MGAT2: variants seen among roughly 807,000 people sequenced by gnomAD.
MGAT2 encodes alpha-1,6-mannosyl-glycoprotein 2-beta-N-acetylglucosaminyltransferase.
Under a neutral mutation model 33.8 loss-of-function variants are expected in MGAT2, and 17 were observed. The observed-to-expected ratio is 0.50, with a 90% confidence interval of 0.34 to 0.76. MGAT2 has a LOEUF of 0.76. Among genes scored for constraint, MGAT2 ranks in the 30% least tolerant of loss-of-function variants. MGAT2 has a pLI of 0.01. For missense variants in MGAT2, 529 were observed against 553.9 expected (o/e 0.96, Z 0.45); for synonymous variants, 248 against 226.7 (o/e 1.09, Z -0.84).
In MGAT2 at chr14:49,622,292, G is replaced by A; in HGVS notation, c.1024G>A (p.Asp342Asn). 6.2e-7 allele frequency: 1 copy of A among 1,614,154 alleles called. No homozygotes were observed. Among genetic ancestry groups the A allele is most frequent in the Non-Finnish European group, 8.5e-7 (1 of 1,180,020 alleles). Residue 342 changes from aspartate (D) to asparagine (N), a missense_variant, in exon 1 of 1, where the codon GAT (aspartate) becomes AAT (asparagine). Physicochemically the swap from Asp to Asn is conservative, Grantham distance 23. Transcript: ENST00000305386. The part of the protein sequence containing the change: ...IECTDTFCTY[D>N]DYNWDWTLQY... ...GTGCACAGACACTTTCTGTACTTAT[G>A]ATGATTATAACTGGGACTGGACTCT...
Position 49,621,020 on chromosome 14 carries a change from T to G in MGAT2, c.-249T>G. 1 of 706,962 alleles carries G rather than the reference T, an allele frequency of 1.4e-6. No individual in the cohort carries two copies. The allele number at this position is 706,962 out of a possible 1,614,324, so 43.8% of individuals were successfully genotyped here. A position where few individuals can be genotyped will look rare whatever the true frequency, so the allele number is the denominator to read the frequency against. On this transcript the variant is annotated 5_prime_UTR_variant, in exon 1 of 1. The change abolishes the stop of an existing upstream ORF in the 5' untranslated region. Transcript: ENST00000305386. This position sits in a 1 kb window ranked among gnomAD's most constrained non-coding sequence, Gnocchi z 4.6. ...GGAGACGAAGCCGAGCCGCGGCTCC[T>G]AGCGGCGGCGCCGATGCTCGAGCTG...
Position 49,621,257 on chromosome 14 carries a change from G to A in MGAT2, c.-12G>A. 2 of 1,612,038 alleles carry A rather than the reference G, an allele frequency of 1.2e-6. No individual in the cohort carries two copies. Among genetic ancestry groups the A allele is most frequent in the South Asian group, 2.2e-5 (2 of 91,066 alleles). ...CCGCGCCCGCCCGCCTGCGCTCCCG[G>A]CCCTGGAGACCATGAGGTTCCGCAT... On this transcript the variant is annotated 5_prime_UTR_variant, in exon 1 of 1. Transcript: ENST00000305386. The surrounding 1 kb of genome is among the most constrained non-coding windows in gnomAD (Gnocchi z 4.6).
rs1026143266 is a variant in MGAT2, at chr14:49,622,808, G to A, written c.*196G>A. ...TAAAACTGAAGGTTTCATTTTGGGA[G>A]TAGGGTTTTAAAGCTCAATCTGTTA... On this transcript the variant is annotated 3_prime_UTR_variant, in exon 1 of 1. Coordinates refer to ENST00000305386, the MANE Select transcript of MGAT2 (RefSeq NM_002408.4). 4.1e-6 allele frequency: 2 copies of A among 489,382 alleles called. No individual in the cohort carries two copies. Among genetic ancestry groups the A allele is most frequent in the South Asian group, 5.7e-5 (1 of 17,424 alleles). 30.3% of individuals were successfully genotyped at this position (489,382 alleles called of 1,614,324 possible).
rs775418672 is a variant in MGAT2 at position 49,622,173 on chromosome 14, G to C, written c.905G>C (p.Gly302Ala). 1.2e-6 allele frequency: 2 copies of C among 1,614,158 alleles called. No individual in the cohort carries two copies. Among genetic ancestry groups the C allele is most frequent in the Non-Finnish European group, 8.5e-7 (1 of 1,180,022 alleles). ...TATAGTGCCAGTCGCAGTTTCTATG[G>C]CATGGCTGACAAGGTAGATGTGAAA... ...GTYSASRSFY[G>A]MADKVDVKTW... The change falls in exon 1 of 1, where the codon GGC (glycine) becomes GCC (alanine). Residue 302 changes from glycine to alanine, a missense_variant. Gly to Ala is a moderately conservative substitution (Grantham distance 60). Around this residue, in one of 2 missense-constraint regions of MGAT2, gnomAD observed 501 missense variants for 501.1 expected, o/e 1.00. Coordinates refer to ENST00000305386, the MANE Select transcript of MGAT2 (RefSeq NM_002408.4).
In MGAT2 at chr14:49,622,606, G is replaced by T. The variant is rs199634745; in HGVS notation, c.1338G>T (p.Leu446=). The change falls in exon 1 of 1, where the codon CTG becomes CTT. Residue 446 remains leucine, a synonymous_variant. Coordinates refer to ENST00000305386, the MANE Select transcript of MGAT2 (RefSeq NM_002408.4). The part of the protein sequence containing the change: ...DHELCKSYRR[L]Q ...AACTCTGTAAAAGTTATAGAAGACT[G>T]CAGTGAAAATCACAGTTACAAAAGC... 3 of 1,596,014 alleles carry T rather than the reference G, an allele frequency of 1.9e-6. No individual in the cohort carries two copies. The African/African-American group carries it at 4.1e-5, about 22-fold the overall frequency.
At position 49,621,583 on chromosome 14, in the gene MGAT2, G is replaced by T. The variant is rs147502375; in HGVS notation, c.315G>T (p.Arg105Ser). The change falls in exon 1 of 1, where the codon AGG (arginine) becomes AGT (serine). Residue 105 changes from arginine (R) to serine (S), a missense_variant. Around this residue, in one of 2 missense-constraint regions of MGAT2, gnomAD observed 501 missense variants for 501.1 expected, o/e 1.00. Transcript: ENST00000305386. The surrounding 1 kb of genome is among the most constrained non-coding windows in gnomAD (Gnocchi z 4.6). ...AGCTGAACTTTGATCAGACCCTGAG[G>T]AATGTAGATAAGGCTGGCACCTGGG... is the stretch of plus-strand genomic sequence containing the variant. ...VYQLNFDQTL[R>S]NVDKAGTWAP... The T allele has an allele frequency of 1.4e-5, 22 of 1,614,048 alleles. No individual in the cohort carries two copies. Among genetic ancestry groups the T allele is most frequent in the Non-Finnish European group, 1.8e-5 (21 of 1,179,986 alleles).
rs1882831185 is a variant in MGAT2 at position 49,621,098 on chromosome 14, G to T, written c.-171G>T. ...GCAGGCGGCGCGGGGTAAATGAGAGGTCTCGGGCCCCAGGACCCCCGGGGC... is the reference window on the plus strand; with the variant it reads ...GCAGGCGGCGCGGGGTAAATGAGAGTTCTCGGGCCCCAGGACCCCCGGGGC... On this transcript the variant is annotated 5_prime_UTR_variant, in exon 1 of 1. Transcript: ENST00000305386. This position sits in a 1 kb window ranked among gnomAD's most constrained non-coding sequence, Gnocchi z 4.6. 9.6e-6 allele frequency: 9 copies of T among 936,060 alleles called. No individual in the cohort carries two copies. Among genetic ancestry groups the T allele is most frequent in the South Asian group, 8.3e-5 (6 of 72,022 alleles). The allele number at this position is 936,060 out of a possible 1,614,324, so 58.0% of individuals were successfully genotyped here.
chr14:49,621,665 C>A lies in MGAT2; in HGVS notation c.397C>A (p.Leu133Met). The A allele has an allele frequency of 6.2e-7, 1 of 1,614,200 alleles. No individual in the cohort carries two copies. The highest frequency in any genetic ancestry group is 8.5e-7 in the Non-Finnish European group (1 of 1,180,018). The change falls in exon 1 of 1, where the codon CTG becomes ATG. Residue 133 changes from leucine to methionine, a missense_variant. Around this residue, in one of 2 missense-constraint regions of MGAT2, gnomAD observed 501 missense variants for 501.1 expected, o/e 1.00. Transcript: ENST00000305386. The surrounding 1 kb of genome is among the most constrained non-coding windows in gnomAD (Gnocchi z 4.6). The stretch of plus-strand genomic sequence containing the variant: ...GCATAACCGGCCCGAATACCTCAGA[C>A]TGCTGCTGGACTCACTTCGAAAAGC... ...QVHNRPEYLR[L>M]LLDSLRKAQG...
rs772890040 is a variant in MGAT2 at position 49,621,846 on chromosome 14, C to T, written c.578C>T (p.Pro193Leu). The T allele has an allele frequency of 1.2e-6, 2 of 1,614,142 alleles. No homozygotes were observed. ...CCTAACGAGTTTCCAGGTAGTGACCCTAGAGATTGTCCCAGAGACCTGCCG... is the reference window on the plus strand; with the variant it reads ...CCTAACGAGTTTCCAGGTAGTGACCTTAGAGATTGTCCCAGAGACCTGCCG... ...LYPNEFPGSD[P>L]RDCPRDLPKN... The change falls in exon 1 of 1, where the codon CCT (proline) becomes CTT (leucine). Residue 193 changes from proline to leucine, a missense_variant. Pro to Leu is a moderately conservative substitution (Grantham distance 98). Coordinates refer to ENST00000305386, the MANE Select transcript of MGAT2 (RefSeq NM_002408.4). This position sits in a 1 kb window ranked among gnomAD's most constrained non-coding sequence, Gnocchi z 4.6.
chr14:49,620,995 G>C lies in MGAT2; in HGVS notation c.-274G>C, dbSNP rs1437733087. 4.3e-6 allele frequency: 3 copies of C among 703,106 alleles called. No individual in the cohort carries two copies. The highest frequency in any genetic ancestry group is 2.0e-5 in the Admixed American group (1 of 50,008). The allele number at this position is 703,106 out of a possible 1,614,324, so 43.6% of individuals were successfully genotyped here. A position where few individuals can be genotyped will look rare whatever the true frequency, so the allele number is the denominator to read the frequency against. ...ACCCGTGGTGCTGAATGGAGAGGAC[G>C]GAGACGAAGCCGAGCCGCGGCTCCT... On this transcript the variant is annotated 5_prime_UTR_variant, in exon 1 of 1. Coordinates refer to ENST00000305386, the MANE Select transcript of MGAT2 (RefSeq NM_002408.4).
At position 49,622,049 on chromosome 14, in the gene MGAT2, G is replaced by T; in HGVS notation, c.781G>T (p.Asp261Tyr). The T allele has an allele frequency of 6.2e-7, 1 of 1,614,204 alleles. No homozygotes were observed. Among genetic ancestry groups the T allele is most frequent in the Non-Finnish European group, 8.5e-7 (1 of 1,180,040 alleles). Residue 261 changes from aspartate to tyrosine, a missense_variant, in exon 1 of 1, where the codon GAT (aspartate) becomes TAT (tyrosine). Around this residue, in one of 2 missense-constraint regions of MGAT2, gnomAD observed 501 missense variants for 501.1 expected, o/e 1.00. Transcript: ENST00000305386. ...TGGCCTTATACTTTTCCTAGAAGAG[G>T]ATCACTACTTAGCCCCAGACTTTTA... The part of the protein sequence containing the change: ...YAGLILFLEE[D>Y]HYLAPDFYHV...
Position 49,622,517 on chromosome 14 carries a change from T to A in MGAT2, c.1249T>A (p.Phe417Ile). 1 of 1,600,150 alleles carries A rather than the reference T, an allele frequency of 6.2e-7. No individual in the cohort carries two copies. The highest frequency in any genetic ancestry group is 8.5e-7 in the Non-Finnish European group (1 of 1,173,796). The part of the protein sequence containing the change: ...FPETLTISEK[F>I]TVVAISPPRK... ...AGAAACTCTAACTATCAGTGAAAAG[T>A]TTACTGTGGTAGCCATTTCCCCACC... Residue 417 changes from phenylalanine (F) to isoleucine (I), a missense_variant, in exon 1 of 1, where the codon TTT becomes ATT. Around this residue, in one of 2 missense-constraint regions of MGAT2, gnomAD observed 28 missense variants for 52.8 expected, o/e 0.53. Transcript: ENST00000305386.
At position 49,621,296 on chromosome 14, in the gene MGAT2, G is replaced by T; in HGVS notation, c.28G>T (p.Val10Leu). The change falls in exon 1 of 1, where the codon GTG (valine) becomes TTG (leucine). Residue 10 changes from valine to leucine, a missense_variant. Coordinates refer to ENST00000305386, the MANE Select transcript of MGAT2 (RefSeq NM_002408.4). This position sits in a 1 kb window ranked among gnomAD's most constrained non-coding sequence, Gnocchi z 4.6. ...GAGGTTCCGCATCTACAAACGGAAG[G>T]TGCTAATCCTGACGCTCGTGGTGGC... MRFRIYKRK[V>L]LILTLVVAAC... 5.6e-6 allele frequency: 9 copies of T among 1,612,604 alleles called. No individual in the cohort carries two copies. The highest frequency in any genetic ancestry group is 7.6e-6 in the Non-Finnish European group (9 of 1,179,796).
rs780357143 is a variant in MGAT2, at chr14:49,621,919, C to T, written c.651C>T (p.Asp217=). 5.0e-6 allele frequency: 8 copies of T among 1,614,218 alleles called. No homozygotes were observed. Among genetic ancestry groups the T allele is most frequent in the Non-Finnish European group, 5.1e-6 (6 of 1,180,042 alleles). The change falls in exon 1 of 1, where the codon GAC becomes GAT. Residue 217 remains aspartate, a synonymous_variant. Transcript: ENST00000305386. This position sits in a 1 kb window ranked among gnomAD's most constrained non-coding sequence, Gnocchi z 4.6. ...KLGCINAEYP[D]SFGHYREAKF... ...GGTGCATCAATGCTGAGTATCCCGA[C>T]TCCTTCGGCCATTATAGAGAGGCCA... is the stretch of plus-strand genomic sequence containing the variant.
In MGAT2 at chr14:49,622,598, A is replaced by G. The variant is rs754301705; in HGVS notation, c.1330A>G (p.Arg444Gly). ...GGACCATGAACTCTGTAAAAGTTAT[A>G]GAAGACTGCAGTGAAAATCACAGTT... is the stretch of plus-strand genomic sequence containing the variant. ...IRDHELCKSY[R>G]RLQ Residue 444 changes from arginine to glycine, a missense_variant, in exon 1 of 1, where the codon AGA (arginine) becomes GGA (glycine). Arg to Gly is a moderately radical substitution (Grantham distance 125). Transcript: ENST00000305386. The G allele has an allele frequency of 1.9e-6, 3 of 1,594,880 alleles. No homozygotes were observed. Among genetic ancestry groups the G allele is most frequent in the South Asian group, 1.1e-5 (1 of 87,814 alleles).
Position 49,621,176 on chromosome 14 carries a change from C to A in MGAT2, c.-93C>A. The A allele has an allele frequency of 6.3e-7, 1 of 1,576,420 alleles. No individual in the cohort carries two copies. The highest frequency in any genetic ancestry group is 8.6e-7 in the Non-Finnish European group (1 of 1,160,872). ...GGGGGCCAGTTCCGACCGTGACAGG[C>A]CAAGGCGACGGCCGCCGCCCGCCCG... On this transcript the variant is annotated 5_prime_UTR_variant, in exon 1 of 1. Coordinates refer to ENST00000305386, the MANE Select transcript of MGAT2 (RefSeq NM_002408.4). This position sits in a 1 kb window ranked among gnomAD's most constrained non-coding sequence, Gnocchi z 4.6.
Position 49,620,819 on chromosome 14 carries a change from C to A in MGAT2, c.-450C>A, listed in dbSNP as rs569887840. The A allele has an allele frequency of 4.9e-6, 3 of 608,840 alleles. No homozygotes were observed. The highest frequency in any genetic ancestry group is 2.8e-5 in the East Asian group (1 of 35,334). The allele number at this position is 608,840 out of a possible 1,614,324, so 37.7% of individuals were successfully genotyped here. Reference sequence around the variant, plus strand: ...GCGGGGCAGTTGCGGGTTGTCATAACGGTCCCCGCCGGAGTGAGGCGAGGC... The same window carrying A: ...GCGGGGCAGTTGCGGGTTGTCATAAAGGTCCCCGCCGGAGTGAGGCGAGGC... On this transcript the variant is annotated 5_prime_UTR_variant, in exon 1 of 1. Coordinates refer to ENST00000305386, the MANE Select transcript of MGAT2 (RefSeq NM_002408.4).
At position 49,621,233 on chromosome 14, in the gene MGAT2, C is replaced by A. The variant is rs1882836532; in HGVS notation, c.-36C>A. The A allele has an allele frequency of 1.2e-6, 2 of 1,610,740 alleles. No individual in the cohort carries two copies. The highest frequency in any genetic ancestry group is 1.3e-5 in the African/African-American group (1 of 74,848). ...CCGTGCAGAAGCAGCTGCTCCTTTC[C>A]GCGCCCGCCCGCCTGCGCTCCCGGC... On this transcript the variant is annotated 5_prime_UTR_variant, in exon 1 of 1. Transcript: ENST00000305386. This position sits in a 1 kb window ranked among gnomAD's most constrained non-coding sequence, Gnocchi z 4.6.
chr14:49,621,543 G>GGTCCCTGGTGTACCA lies in MGAT2; in HGVS notation c.277_291dup (p.Ser93_Gln97dup). ...GCGGACAACCTGACGCTGCGGTACC[G>GGTCCCTGGTGTACCA]GTCCCTGGTGTACCAGCTGAACTTT... On this transcript the variant is annotated inframe_insertion, in exon 1 of 1. Transcript: ENST00000305386. The surrounding 1 kb of genome is among the most constrained non-coding windows in gnomAD (Gnocchi z 4.6). The GGTCCCTGGTGTACCA allele has an allele frequency of 6.2e-7, 1 of 1,613,536 alleles. No homozygotes were observed. The highest frequency in any genetic ancestry group is 1.3e-5 in the African/African-American group (1 of 75,042).
Sources: gnomAD v4.1 joint callset for allele counts on GRCh38, gnomAD v4.1.1 for gene constraint, gnomAD v4.1.1 regional missense constraint, Gnocchi (gnomAD v3.1) non-coding constraint, MANE v1.5 for transcripts, NCBI Gene and HGNC (gene_info 2026-07-23, HGNC 2026-07-21) for gene names.